Variants in NALCN observed in about 807,000 individuals in gnomAD.
NALCN encodes the protein sodium leak channel NALCN.
Under a neutral mutation model 225.3 loss-of-function variants are expected in NALCN, and 111 were observed. The observed-to-expected ratio is 0.49, with a 90% confidence interval of 0.42 to 0.58. The LOEUF is 0.58. Ranked by LOEUF, NALCN falls within the 20% of genes least tolerant of loss-of-function variation. The pLI is 0.00. For missense variants in NALCN, 1,378 were observed against 2,202.4 expected (o/e 0.63, Z 7.49); for synonymous variants, 764 against 769.0 (o/e 0.99, Z 0.11).
rs2043604808 is a variant in NALCN, at chr13:101,292,910, A to G, written c.800-544T>C. Among the ~76,000 whole-genome samples the G allele has an allele frequency of 6.6e-6, 1 of 152,228 alleles. No individual in the cohort carries two copies. ...CGAACACCAGAATGTAAGGCAGTGA[A>G]TCACCAAATAGGACTTTGTATTTTC... is the stretch of plus-strand genomic sequence containing the variant. On this transcript the variant is annotated intron_variant, in intron 7 of 43. Transcript: ENST00000251127. The surrounding 1 kb of genome is among the most constrained non-coding windows in gnomAD (Gnocchi z 4.3).
chr13:101,059,970 A>G lies in NALCN; in HGVS notation c.4756-3T>C. On this transcript the variant is annotated splice_polypyrimidine_tract_variant and splice_region_variant and intron_variant, in intron 41 of 43. Coordinates refer to ENST00000251127, the MANE Select transcript of NALCN (RefSeq NM_052867.4). ...ATACTGCACGACTGCTGCTGTTTCT[A>G]TGGAAATGCGATTGTTTGTTCAGTA... 6.2e-7 allele frequency: 1 copy of G among 1,613,696 alleles called. No individual in the cohort carries two copies. Among genetic ancestry groups the G allele is most frequent in the Non-Finnish European group, 8.5e-7 (1 of 1,179,870 alleles).
intron 13 of NALCN, among the ~76,000 whole-genome samples, chr13:101,217,193 TG>T (rs981919676): frequency 4.9e-4 from 75 of 152,182 alleles, no homozygotes; most frequent in South Asian, 2.1e-4. Flanking sequence ...TATGAGCTTT[TG>T]TTAGGCAATT....
At chr13:101,185,569 A>C (rs1054123272) in intron 14 of NALCN, among the ~76,000 whole-genome samples, 1 of 152,372 alleles carries the variant, frequency 6.6e-6, no homozygotes, top group East Asian at 1.9e-4. Flanking sequence ...AATAAACTGC[A>C]ATCAGTCAGG....
At chr13:101,058,110 C>G (rs1382650969) in intron 42 of NALCN, 54 bp from the exon 43 acceptor site, 1 of 1,463,708 alleles carries the variant, frequency 6.8e-7, no homozygotes, top group Non-Finnish European at 9.3e-7. Flanking sequence ...GCGCTCTCCT[C>G]CTTTTACTAT....
intron 18 of NALCN, among the ~76,000 whole-genome samples, chr13:101,112,609 G>C (rs2035502687): frequency 6.6e-6 from 1 of 152,214 alleles, no homozygotes; most frequent in Non-Finnish European, 1.5e-5. Context: ...AGAAAGCCTT[G>C]CTCTGAAAGA....
chr13:101,163,684 C>G (rs1285523043), intron 15 of NALCN, among the ~76,000 whole-genome samples: 1 of 152,120 alleles, frequency 6.6e-6, no homozygotes, highest in African/African-American at 2.4e-5. Flanking sequence ...CTCAGCCAGG[C>G]TACTTGCCAG....
At chr13:101,323,156 A>C (rs1468670176) in intron 7 of NALCN, among the ~76,000 whole-genome samples, 1 of 152,208 alleles carries the variant, frequency 6.6e-6, no homozygotes, top group Non-Finnish European at 1.5e-5. Context: ...TTTATTTCAC[A>C]TATGTATACT....
intron 11 of NALCN, 27 bp downstream of exon 11, chr13:101,258,416 C>G: frequency 6.2e-7 from 1 of 1,613,050 alleles, no homozygotes; most frequent in Non-Finnish European, 8.5e-7. Flanking sequence ...CCTTGCCCAG[C>G]GATCTGCACG....
In NALCN at chr13:101,188,753, C is replaced by T. The variant is rs372815395; in HGVS notation, c.1764+3164G>A. Reference sequence around the variant, plus strand: ...AGGCTGGGGTACAACAGCATGATCTCGGCTCACTGCAACCCCCACCTCCCA... The same window carrying T: ...AGGCTGGGGTACAACAGCATGATCTTGGCTCACTGCAACCCCCACCTCCCA... On this transcript the variant is annotated intron_variant, in intron 14 of 43. Coordinates refer to ENST00000251127, the MANE Select transcript of NALCN (RefSeq NM_052867.4). Among the ~76,000 whole-genome samples the T allele has an allele frequency of 3.0e-4, 44 of 144,876 alleles. 1 individual carries two copies. The highest frequency in any genetic ancestry group is 1.0e-3 in the African/African-American group (38 of 37,882).
At chr13:101,388,313 A>C (rs1228937026) in intron 3 of NALCN, among the ~76,000 whole-genome samples, 1 of 152,188 alleles carries the variant, frequency 6.6e-6, no homozygotes, top group East Asian at 1.9e-4. Context: ...TTAACAGTGC[A>C]ATATTACTAA....
At chr13:101,202,770 C>A (rs1566425365) in intron 13 of NALCN, among the ~76,000 whole-genome samples, 1 of 152,198 alleles carries the variant, frequency 6.6e-6, no homozygotes, top group Admixed American at 6.5e-5. Flanking sequence ...CAAAGCTGCT[C>A]CCCCTGGTGT....
chr13:101,070,542 G>A (rs768291467), intron 37 of NALCN, among the ~76,000 whole-genome samples: 1 of 152,210 alleles, frequency 6.6e-6, no homozygotes, highest in Admixed American at 6.5e-5. Flanking sequence ...GGACAGAATG[G>A]ATGTTGTGTT....
intron 14 of NALCN, among the ~76,000 whole-genome samples, chr13:101,188,413 A>G (rs1016981654): frequency 6.6e-6 from 1 of 152,164 alleles, no homozygotes; most frequent in African/African-American, 2.4e-5. Flanking sequence ...AGAAGTATGT[A>G]TTACCAGACC....
chr13:101,263,088 GGTAA>G (rs1373199711), intron 10 of NALCN, among the ~76,000 whole-genome samples: 2 of 152,170 alleles, frequency 1.3e-5, no homozygotes, highest in Non-Finnish European at 2.9e-5. Flanking sequence ...AGTCTAGTGA[GGTAA>G]GTAACATTGA....
chr13:101,125,229 C>T (rs955459682), intron 17 of NALCN, among the ~76,000 whole-genome samples: 3 of 151,960 alleles, frequency 2.0e-5, no homozygotes, highest in African/African-American at 7.3e-5. Context: ...GATATACTCC[C>T]CAAGCTCAGT....
chr13:101,316,327 T>C (rs1251297622), intron 7 of NALCN, among the ~76,000 whole-genome samples: 1 of 152,168 alleles, frequency 6.6e-6, no homozygotes, highest in Non-Finnish European at 1.5e-5. Context: ...GAAGGTCATT[T>C]ATTGCCTAGA....
intron 28 of NALCN, 97 bp downstream of exon 28, chr13:101,095,477 C>A: frequency 1.1e-6 from 1 of 943,542 alleles, no homozygotes. Context: ...ACATCTCTAG[C>A]AAAACTACTT....
intron 41 of NALCN, 151 bp downstream of exon 41, chr13:101,061,817 T>TAA: frequency 1.5e-6 from 1 of 685,024 alleles, no homozygotes. Flanking sequence ...CTGACCACTG[T>TAA]AAGTGGAGGT....
At position 101,090,093 on chromosome 13, in the gene NALCN, TACACACACACGTGTGCGTGC is replaced by T. The variant is rs1426917193; in HGVS notation, c.3270-147_3270-128del. ...GTGTGTGTATATACACACACATATA[TACACACACACGTGTGCGTGC>T]ACACACACATACATATGTGTGTATA... On this transcript the variant is annotated intron_variant, in intron 28 of 43. Coordinates refer to ENST00000251127, the MANE Select transcript of NALCN (RefSeq NM_052867.4). The T allele has an allele frequency of 1.8e-4, 237 of 1,330,132 alleles. 2 individuals carry two copies. In the South Asian group the frequency reaches 3.1e-3, roughly 17 times the overall value. The allele number at this position is 1,330,132 out of a possible 1,614,324, so 82.4% of individuals were successfully genotyped here.
Sources: gnomAD v4.1 joint callset for allele counts (sites outside exome capture counted in the v4.1 genomes callset) on GRCh38, gnomAD v4.1.1 for gene constraint, Gnocchi (gnomAD v3.1) non-coding constraint, MANE v1.5 for transcripts, NCBI Gene and HGNC (gene_info 2026-07-23, HGNC 2026-07-21) for gene names.